Variants in MFAP2 observed in about 807,000 individuals in gnomAD.
The protein encoded by MFAP2 is microfibril associated protein 2, also known as microfibrillar-associated protein 2.
A neutral mutation model predicts 30.6 loss-of-function variants in MFAP2; 23 were observed. The ratio of observed to expected loss-of-function variants is 0.75; its 90% confidence interval spans 0.54 to 1.07. MFAP2 has a LOEUF of 1.07. Among genes scored for constraint, MFAP2 ranks in the 50% least tolerant of loss-of-function variants. The pLI is 0.00. For synonymous variants in MFAP2, 73 were observed against 85.7 expected, an observed-to-expected ratio of 0.85 and a Z score of 0.82; for missense variants, 198 against 223.8, an observed-to-expected ratio of 0.88 and a Z score of 0.74.
At chr1:16,978,636 A>T (rs2076612593) in intron 1 of MFAP2, among the ~76,000 whole-genome samples, 1 of 152,174 alleles carries the variant, frequency 6.6e-6, no homozygotes, top group Non-Finnish European at 1.5e-5. Flanking sequence ...AGCCCAGGCC[A>T]TTCTGTCCTC....
In MFAP2 at chr1:16,975,240, G is replaced by A; in HGVS notation, c.448+29C>T. ...GATAATGATGCGGGTGTGGGGACAGGGGAGGTCTTGGGGAGGTGGCCTTCC... is the reference window on the plus strand; with the variant it reads ...GATAATGATGCGGGTGTGGGGACAGAGGAGGTCTTGGGGAGGTGGCCTTCC... On this transcript the variant is annotated intron_variant, in intron 8 of 8. Transcript: ENST00000375535. The surrounding 1 kb of genome is among the most constrained non-coding windows in gnomAD (Gnocchi z 5.0). The A allele has an allele frequency of 6.2e-7, 1 of 1,600,432 alleles. No homozygotes were observed. Among genetic ancestry groups the A allele is most frequent in the Non-Finnish European group, 8.6e-7 (1 of 1,169,358 alleles).
intron 1 of MFAP2, among the ~76,000 whole-genome samples, chr1:16,979,769 C>A (rs2076622116): frequency 6.6e-6 from 1 of 152,194 alleles, no homozygotes; most frequent in Non-Finnish European, 1.5e-5. Context: ...CGGTACCCTG[C>A]GGGGAGTCTT....
At chr1:16,981,450 T>C (rs1296921953), upstream of MFAP2, among the ~76,000 whole-genome samples, 1 of 152,018 alleles carries the variant, frequency 6.6e-6, no homozygotes, top group African/African-American at 2.4e-5. Flanking sequence ...AGCCTTCCAT[T>C]ACCCAGGCTT....
Position 16,976,495 on chromosome 1 carries a change from C to T in MFAP2, c.286+6G>A. On this transcript the variant is annotated splice_donor_region_variant and intron_variant, in intron 6 of 8. Transcript: ENST00000375535. This position sits in a 1 kb window ranked among gnomAD's most constrained non-coding sequence, Gnocchi z 5.5. The stretch of plus-strand genomic sequence containing the variant: ...CCATTTTTCCAGCTGTCAAGAAAGC[C>T]CTTACCAAGAGGCCCAGGCTCTGTG... 1 of 1,614,238 alleles carries T rather than the reference C, an allele frequency of 6.2e-7. No individual in the cohort carries two copies. Among genetic ancestry groups the T allele is most frequent in the Non-Finnish European group, 8.5e-7 (1 of 1,180,036 alleles).
At chr1:16,979,424 G>T (rs2076619226) in intron 1 of MFAP2, among the ~76,000 whole-genome samples, 2 of 152,198 alleles carry the variant, frequency 1.3e-5, no homozygotes, top group African/African-American at 4.8e-5. Context: ...GGAGAGGGGA[G>T]GGAAAGGGGA....
At chr1:16,978,978 G>C (rs186021440) in intron 1 of MFAP2, 3 of 152,236 alleles carry the variant, frequency 2.0e-5, no homozygotes, top group African/African-American at 7.2e-5. Context: ...ACAGGCTCAC[G>C]AGACCCGGGC....
rs754454857 is a variant in MFAP2 at position 16,977,245 on chromosome 1, G to A, written c.38-47C>T. ...AGGGTACCCCATCGGGAGGGGCAAC[G>A]GGGGCCCGAGGCGCTTCTGGAGAGT... On this transcript the variant is annotated intron_variant, in intron 2 of 8. Transcript: ENST00000375535. The A allele has an allele frequency of 2.8e-5, 45 of 1,584,208 alleles. No homozygotes were observed. In the Admixed American group the frequency reaches 3.2e-4, roughly 11 times the overall value.
chr1:16,975,064 G>A lies in MFAP2; in HGVS notation c.449-41C>T. 1.8e-6 allele frequency: 2 copies of A among 1,111,920 alleles called. No individual in the cohort carries two copies. Among genetic ancestry groups the A allele is most frequent in the Non-Finnish European group, 2.7e-6 (2 of 747,716 alleles). 68.9% of individuals were successfully genotyped at this position (1,111,920 alleles called of 1,614,324 possible). On this transcript the variant is annotated intron_variant, in intron 8 of 8. Transcript: ENST00000375535. This position sits in a 1 kb window ranked among gnomAD's most constrained non-coding sequence, Gnocchi z 5.0. The stretch of plus-strand genomic sequence containing the variant: ...AGGAGGCAGGGTCAGGGTGGAGCTG[G>A]GTGATGGGAACCGCTGCCCCTCCCC...
At chr1:16,979,326 G>C (rs1570741110) in intron 1 of MFAP2, among the ~76,000 whole-genome samples, 1 of 152,282 alleles carries the variant, frequency 6.6e-6, no homozygotes, top group East Asian at 1.9e-4. Flanking sequence ...CATCCAGGAG[G>C]GCCCCTCCCG....
chr1:16,977,897 G>A (rs2076606086), intron 2 of MFAP2: 1 of 296,542 alleles, frequency 3.4e-6, no homozygotes. Context: ...TAGAACTCAA[G>A]CATCCGGACT....
In MFAP2 at chr1:16,976,081, C is replaced by T. The variant is rs965101882; in HGVS notation, c.287-351G>A. 1.5e-4 allele frequency: 67 copies of T among 460,374 alleles called. No individual in the cohort carries two copies. The highest frequency in any genetic ancestry group is 1.5e-4 in the Non-Finnish European group (39 of 252,274). The allele number at this position is 460,374 out of a possible 1,614,324, so 28.5% of individuals were successfully genotyped here. A position where few individuals can be genotyped will look rare whatever the true frequency, so the allele number is the denominator to read the frequency against. On this transcript the variant is annotated intron_variant, in intron 6 of 8. Coordinates refer to ENST00000375535, the MANE Select transcript of MFAP2 (RefSeq NM_002403.4). This position sits in a 1 kb window ranked among gnomAD's most constrained non-coding sequence, Gnocchi z 5.5. ...ACACCAACCCACACGAGAGTGAGCA[C>T]ACGGATTCTCCTGCACACACACACC...
Position 16,976,443 on chromosome 1 carries a change from A to G in MFAP2, c.286+58T>C. The stretch of plus-strand genomic sequence containing the variant: ...CTCCAGCCCACCAGCACCACCCCCT[A>G]CTCCACCCCAACTTCAGGGCGTGCC... On this transcript the variant is annotated intron_variant, in intron 6 of 8. Coordinates refer to ENST00000375535, the MANE Select transcript of MFAP2 (RefSeq NM_002403.4). This position sits in a 1 kb window ranked among gnomAD's most constrained non-coding sequence, Gnocchi z 5.5. The G allele has an allele frequency of 6.2e-7, 1 of 1,607,340 alleles. No individual in the cohort carries two copies. Among genetic ancestry groups the G allele is most frequent in the Non-Finnish European group, 8.5e-7 (1 of 1,174,236 alleles).
upstream of MFAP2, among the ~76,000 whole-genome samples, chr1:16,981,543 C>T (rs2076638198): frequency 6.6e-6 from 1 of 152,220 alleles, no homozygotes; most frequent in South Asian, 2.1e-4. Flanking sequence ...ACTCCGTTCA[C>T]TGCTCCCACC....
chr1:16,977,375 T>A lies in MFAP2; in HGVS notation c.38-177A>T, dbSNP rs1011259430. 1.1e-4 allele frequency: 68 copies of A among 630,668 alleles called. No homozygotes were observed. The East Asian group carries it at 1.9e-3, about 17-fold the overall frequency. The allele number at this position is 630,668 out of a possible 1,614,324, so 39.1% of individuals were successfully genotyped here. ...CGATGGTAAAGACCCTTCCCCACCC[T>A]GGTCATGGGTCACCTCCCTGACCTT... On this transcript the variant is annotated intron_variant, in intron 2 of 8. Transcript: ENST00000375535.
Position 16,976,553 on chromosome 1 carries a change from G to A in MFAP2, c.242-8C>T, listed in dbSNP as rs1180782275. Reference sequence around the variant, plus strand: ...GCTCTGCATTTCCTGGTTCTGGTGTGGAGACAGAGGTAGGCAGACATCACT... The same window carrying A: ...GCTCTGCATTTCCTGGTTCTGGTGTAGAGACAGAGGTAGGCAGACATCACT... On this transcript the variant is annotated splice_region_variant and splice_polypyrimidine_tract_variant and intron_variant, in intron 5 of 8. Transcript: ENST00000375535. This position sits in a 1 kb window ranked among gnomAD's most constrained non-coding sequence, Gnocchi z 5.5. The A allele has an allele frequency of 6.2e-7, 1 of 1,614,102 alleles. No homozygotes were observed. Among genetic ancestry groups the A allele is most frequent in the African/African-American group, 1.3e-5 (1 of 74,948 alleles).
At position 16,975,065 on chromosome 1, in the gene MFAP2, G is replaced by A. The variant is rs1319926956; in HGVS notation, c.449-42C>T. 2.7e-6 allele frequency: 3 copies of A among 1,131,810 alleles called. No individual in the cohort carries two copies. The highest frequency in any genetic ancestry group is 2.0e-5 in the Admixed American group (1 of 49,518). 70.1% of individuals were successfully genotyped at this position (1,131,810 alleles called of 1,614,324 possible). A position where few individuals can be genotyped will look rare whatever the true frequency, so the allele number is the denominator to read the frequency against. On this transcript the variant is annotated intron_variant, in intron 8 of 8. Coordinates refer to ENST00000375535, the MANE Select transcript of MFAP2 (RefSeq NM_002403.4). This position sits in a 1 kb window ranked among gnomAD's most constrained non-coding sequence, Gnocchi z 5.0. ...GGAGGCAGGGTCAGGGTGGAGCTGG[G>A]TGATGGGAACCGCTGCCCCTCCCCC... is the stretch of plus-strand genomic sequence containing the variant.
chr1:16,976,060 C>T lies in MFAP2; in HGVS notation c.287-330G>A. On this transcript the variant is annotated intron_variant, in intron 6 of 8. Coordinates refer to ENST00000375535, the MANE Select transcript of MFAP2 (RefSeq NM_002403.4). This position sits in a 1 kb window ranked among gnomAD's most constrained non-coding sequence, Gnocchi z 5.5. ...GAAGCCCACATAGGAGCGCTCACAC[C>T]AACCCACACGAGAGTGAGCACACGG... is the stretch of plus-strand genomic sequence containing the variant. 1 of 469,272 alleles carries T rather than the reference C, an allele frequency of 2.1e-6. No individual in the cohort carries two copies. The highest frequency in any genetic ancestry group is 3.9e-6 in the Non-Finnish European group (1 of 257,914). The allele number at this position is 469,272 out of a possible 1,614,324, so 29.1% of individuals were successfully genotyped here.
chr1:16,976,217 C>A lies in MFAP2; in HGVS notation c.286+284G>T. On this transcript the variant is annotated intron_variant, in intron 6 of 8. Transcript: ENST00000375535. This position sits in a 1 kb window ranked among gnomAD's most constrained non-coding sequence, Gnocchi z 5.5. ...TGCACCACTCAGTCTCTCTGGCTGG[C>A]AGGAAGCCCCCAGCACACTCCCTGC... is the stretch of plus-strand genomic sequence containing the variant. 2 of 574,504 alleles carry A rather than the reference C, an allele frequency of 3.5e-6. No individual in the cohort carries two copies. Among genetic ancestry groups the A allele is most frequent in the Non-Finnish European group, 6.2e-6 (2 of 320,970 alleles). 35.6% of individuals were successfully genotyped at this position (574,504 alleles called of 1,614,324 possible). A position where few individuals can be genotyped will look rare whatever the true frequency, so the allele number is the denominator to read the frequency against.
intron 1 of MFAP2, among the ~76,000 whole-genome samples, chr1:16,980,267 A>ACCCCCCCCCCCCCCCC (rs60000302): frequency 3.7e-5 from 3 of 80,298 alleles, no homozygotes; most frequent in African/African-American, 6.7e-5. Context: ...TTCCCACCGG[A>ACCCCCCCCCCCCCCCC]CCCCCCCCCC....
Sources: gnomAD v4.1 joint callset for allele counts (sites outside exome capture counted in the v4.1 genomes callset) on GRCh38, gnomAD v4.1.1 for gene constraint, Gnocchi (gnomAD v3.1) non-coding constraint, MANE v1.5 for transcripts, NCBI Gene and HGNC (gene_info 2026-07-23, HGNC 2026-07-21) for gene names.